Variants in NXPH1 observed in about 807,000 individuals in gnomAD.
The protein encoded by NXPH1 is neurexophilin-1.
In NXPH1, 5 loss-of-function variants were observed where a neutral mutation model predicts 23.7. The observed-to-expected ratio is 0.21, with a 90% CI of 0.11 to 0.44. NXPH1 has a LOEUF of 0.44. Ranked by LOEUF, NXPH1 falls within the 20% of genes least tolerant of loss-of-function variation. NXPH1 has a pLI of 0.99. For synonymous variants in NXPH1, 144 were observed against 122.2 expected, an observed-to-expected ratio of 1.18 and a Z score of -1.18; for missense variants, 324 against 321.6, an observed-to-expected ratio of 1.01 and a Z score of -0.06.
At chr7:8,577,715 A>G (rs1337742262) in intron 2 of NXPH1, among the ~76,000 whole-genome samples, 1 of 152,038 alleles carries the variant, frequency 6.6e-6, no homozygotes, top group Non-Finnish European at 1.5e-5. Context: ...CTCCTTCCAC[A>G]GTGAGTCAAG....
intron 2 of NXPH1, among the ~76,000 whole-genome samples, chr7:8,740,697 C>T (rs532735415): frequency 6.6e-6 from 1 of 151,440 alleles, no homozygotes; most frequent in African/African-American, 2.4e-5. Flanking sequence ...TTTTTTGTTG[C>T]TTGTTTTTTG....
chr7:8,737,157 A>C (rs2115223738), intron 2 of NXPH1, among the ~76,000 whole-genome samples: 1 of 152,146 alleles, frequency 6.6e-6, no homozygotes. Context: ...TTGTGTGTGA[A>C]TTTGATCATG....
chr7:8,724,702 C>T (rs555711595), intron 2 of NXPH1, among the ~76,000 whole-genome samples: 5 of 152,184 alleles, frequency 3.3e-5, no homozygotes, highest in Non-Finnish European at 7.4e-5. Context: ...AGACTTGGCT[C>T]TTTTTGTTAC....
chr7:8,614,996 T>C (rs1819704782), intron 2 of NXPH1, among the ~76,000 whole-genome samples: 1 of 152,094 alleles, frequency 6.6e-6, no homozygotes, highest in Non-Finnish European at 1.5e-5. Context: ...CTGCAGCAAA[T>C]ACAGCTTCCT....
chr7:8,443,498 TC>T (rs1265663883), intron 2 of NXPH1, among the ~76,000 whole-genome samples: 1 of 152,170 alleles, frequency 6.6e-6, no homozygotes, highest in Non-Finnish European at 1.5e-5. Flanking sequence ...CTGCCCCTCT[TC>T]CCCCGGCGAG....
At chr7:8,516,012 A>G (rs1817681388) in intron 2 of NXPH1, among the ~76,000 whole-genome samples, 1 of 152,056 alleles carries the variant, frequency 6.6e-6, no homozygotes, top group African/African-American at 2.4e-5. Context: ...TGTCTTAGTC[A>G]TATATTTTTC....
At chr7:8,669,252 T>G (rs897578152) in intron 2 of NXPH1, among the ~76,000 whole-genome samples, 1 of 151,828 alleles carries the variant, frequency 6.6e-6, no homozygotes, top group Non-Finnish European at 1.5e-5. Flanking sequence ...AGACCAGGAG[T>G]GCTTAGCTAG....
At chr7:8,688,609 T>G (rs1583231232) in intron 2 of NXPH1, among the ~76,000 whole-genome samples, 2 of 152,296 alleles carry the variant, frequency 1.3e-5, no homozygotes, top group East Asian at 3.9e-4. Context: ...AAGTGATGTT[T>G]TAGCTTAGTG....
intron 2 of NXPH1, among the ~76,000 whole-genome samples, chr7:8,656,507 G>GT (rs200902214): frequency 0.017 from 2,277 of 136,574 alleles, 59 homozygotes; most frequent in African/African-American, 0.06. Context: ...TAGAGTTAAT[G>GT]TTTTTTTTTT....
chr7:8,676,726 A>C (rs1350339969), intron 2 of NXPH1, among the ~76,000 whole-genome samples: 1 of 152,192 alleles, frequency 6.6e-6, no homozygotes, highest in African/African-American at 2.4e-5. Context: ...TGGGTAAAGA[A>C]GTAGCAACTT....
At chr7:8,438,727 C>T (rs534731350) in intron 2 of NXPH1, among the ~76,000 whole-genome samples, 83 of 152,190 alleles carry the variant, frequency 5.5e-4, no homozygotes, top group Non-Finnish European at 9.3e-4. Flanking sequence ...TGCAGTAGGT[C>T]AATGCCCCAC....
chr7:8,657,830 C>T (rs558374982), intron 2 of NXPH1, among the ~76,000 whole-genome samples: 2 of 152,320 alleles, frequency 1.3e-5, no homozygotes, highest in Non-Finnish European at 2.9e-5. Context: ...GAGTTCAAGA[C>T]CAGCCTGGCC....
At chr7:8,709,328 T>C (rs1488761649) in intron 2 of NXPH1, among the ~76,000 whole-genome samples, 1 of 152,172 alleles carries the variant, frequency 6.6e-6, no homozygotes, top group Non-Finnish European at 1.5e-5. Context: ...CCTTCAGTTT[T>C]TAAAATTGTT....
At position 8,621,909 on chromosome 7, in the gene NXPH1, G is replaced by T. The variant is rs560526491; in HGVS notation, c.55-129099G>T. On this transcript the variant is annotated intron_variant, in intron 2 of 2. Coordinates refer to ENST00000405863, the MANE Select transcript of NXPH1 (RefSeq NM_152745.3). ...GATGAGGCAGAATGAACCAAGGACA[G>T]TCTGCCTCTGAAGACCGTGCAGTTG... is the stretch of plus-strand genomic sequence containing the variant. Among the ~76,000 whole-genome samples the T allele has an allele frequency of 3.4e-3, 514 of 152,282 alleles. 1 individual carries two copies. The highest frequency in any genetic ancestry group is 5.4e-3 in the Non-Finnish European group (370 of 68,014).
chr7:8,669,734 T>A (rs1401693201), intron 2 of NXPH1, among the ~76,000 whole-genome samples: 1 of 152,116 alleles, frequency 6.6e-6, no homozygotes, highest in Non-Finnish European at 1.5e-5. Flanking sequence ...TCCCTTTCCC[T>A]CAAGCAGAGA....
At chr7:8,467,590 G>A (rs1816805621) in intron 2 of NXPH1, among the ~76,000 whole-genome samples, 1 of 152,104 alleles carries the variant, frequency 6.6e-6, no homozygotes, top group Non-Finnish European at 1.5e-5. Flanking sequence ...GATATATAGC[G>A]GTGGGGGCTA....
intron 2 of NXPH1, among the ~76,000 whole-genome samples, chr7:8,654,980 T>C (rs1201208702): frequency 6.6e-6 from 1 of 152,128 alleles, no homozygotes; most frequent in Non-Finnish European, 1.5e-5. Flanking sequence ...GAAATTAAAA[T>C]TATCCAGATT....
At chr7:8,522,556 C>T (rs996579863) in intron 2 of NXPH1, among the ~76,000 whole-genome samples, 7 of 152,042 alleles carry the variant, frequency 4.6e-5, no homozygotes, top group Non-Finnish European at 5.9e-5. Context: ...GCTCTAGCAC[C>T]GTTTTTTTAA....
At chr7:8,454,577 A>G (rs1204675859) in intron 2 of NXPH1, among the ~76,000 whole-genome samples, 3 of 152,164 alleles carry the variant, frequency 2.0e-5, no homozygotes, top group Admixed American at 1.3e-4. Flanking sequence ...TTCTGATGAC[A>G]TGCATTGGCC....
Sources: gnomAD v4.1 joint callset for allele counts (sites outside exome capture counted in the v4.1 genomes callset) on GRCh38, gnomAD v4.1.1 for gene constraint, MANE v1.5 for transcripts, NCBI Gene and HGNC (gene_info 2026-07-23, HGNC 2026-07-21) for gene names.